The following ZNF624 variants were observed in gnomAD, a reference collection of about 807,000 sequenced individuals.
The protein encoded by ZNF624 is zinc finger protein 624.
ZNF624 carries 43 observed loss-of-function variants against 74.7 expected under a neutral mutation model. That is an observed-to-expected ratio of 0.58 (90% CI 0.45 to 0.74). The LOEUF (loss-of-function observed/expected upper bound fraction) is 0.74, where lower values mean the gene tolerates loss of function less well. ZNF624 is among the 30% of genes least tolerant of loss of function. The pLI is 0.00. For synonymous variants in ZNF624, 331 were observed against 341.3 expected, an observed-to-expected ratio of 0.97 and a Z score of 0.33; for missense variants, 820 against 1,030.0, an observed-to-expected ratio of 0.80 and a Z score of 2.79.
chr17:16,641,494 G>A (rs1909466365), intron 3 of ZNF624, among the ~76,000 whole-genome samples: 1 of 152,144 alleles, frequency 6.6e-6, no homozygotes, highest in Non-Finnish European at 1.5e-5. Context: ...ATGTTGGCCA[G>A]GCTAGTCTCG....
chr17:16,628,549 TGA>T (rs1304184896), intron 5 of ZNF624, among the ~76,000 whole-genome samples: 2 of 151,848 alleles, frequency 1.3e-5, no homozygotes, highest in Admixed American at 1.3e-4. Context: ...AGACAGCACA[TGA>T]GAGAGTTAGG....
At chr17:16,652,229 C>G (rs1909742979) in intron 1 of ZNF624, among the ~76,000 whole-genome samples, 2 of 152,090 alleles carry the variant, frequency 1.3e-5, no homozygotes, top group South Asian at 4.1e-4. Flanking sequence ...TTGCATATTA[C>G]TTCAGAGAGC....
downstream of ZNF624, among the ~76,000 whole-genome samples, chr17:16,619,813 G>C (rs901773127): frequency 6.6e-6 from 1 of 152,244 alleles, no homozygotes; most frequent in African/African-American, 2.4e-5. Flanking sequence ...GGCAGGAATG[G>C]GAGGGAGGGT....
At chr17:16,619,892 CTG>C (rs1555903814), downstream of ZNF624, among the ~76,000 whole-genome samples, 1 of 152,184 alleles carries the variant, frequency 6.6e-6, no homozygotes, top group Non-Finnish European at 1.5e-5. Flanking sequence ...GATGTCAACT[CTG>C]TGACAGCAGG....
chr17:16,645,028 T>C (rs1419571143), intron 3 of ZNF624, among the ~76,000 whole-genome samples: 1 of 152,228 alleles, frequency 6.6e-6, no homozygotes, highest in Non-Finnish European at 1.5e-5. Flanking sequence ...GGACTCCAGA[T>C]CCATTATGCA....
At position 16,624,053 on chromosome 17, in the gene ZNF624, C is replaced by T. The variant is rs1597490475; in HGVS notation, c.833G>A (p.Cys278Tyr). 1 of 1,614,048 alleles carries T rather than the reference C, an allele frequency of 6.2e-7. No individual in the cohort carries two copies. Among genetic ancestry groups the T allele is most frequent in the Non-Finnish European group, 8.5e-7 (1 of 1,180,010 alleles). ...KSNNKEKPYKCSTCEKAFHYR... is the reference protein window; with the variant it reads ...KSNNKEKPYKYSTCEKAFHYR... ...ATGAAAGGCCTTTTCGCATGTACTACATTTGTAGGGTTTTTCCTTATTATT... is the reference window on the plus strand; with the variant it reads ...ATGAAAGGCCTTTTCGCATGTACTATATTTGTAGGGTTTTTCCTTATTATT... Residue 278 changes from cysteine to tyrosine, a missense_variant, in exon 6 of 6, where the codon TGT becomes TAT. Transcript: ENST00000311331.
intron 5 of ZNF624, among the ~76,000 whole-genome samples, chr17:16,626,864 C>G (rs867767507): frequency 3.9e-5 from 6 of 151,958 alleles, no homozygotes; most frequent in Non-Finnish European, 8.8e-5. Context: ...CTAGACCAGC[C>G]TGGCCAACAT....
chr17:16,636,591 C>T (rs922035458), intron 3 of ZNF624, among the ~76,000 whole-genome samples: 4 of 152,166 alleles, frequency 2.6e-5, no homozygotes, highest in African/African-American at 9.7e-5. Context: ...AATCCCAGCA[C>T]TTTAGGAGGC....
rs1390860565 is a variant in ZNF624, at chr17:16,620,894, A to G, written c.*1394T>C. On this transcript the variant is annotated 3_prime_UTR_variant, in exon 6 of 6. Coordinates refer to ENST00000311331, the MANE Select transcript of ZNF624 (RefSeq NM_020787.4). Reference sequence around the variant, plus strand: ...GGAGACCATCCTTTCATCTCTCTCAAAAGTTCACATAATTACATAATATTA... The same window carrying G: ...GGAGACCATCCTTTCATCTCTCTCAGAAGTTCACATAATTACATAATATTA... 6.6e-6 allele frequency: 1 copy of G among 152,200 alleles called. No individual in the cohort carries two copies. Among genetic ancestry groups the G allele is most frequent in the Non-Finnish European group, 1.5e-5 (1 of 68,034 alleles). 9.4% of individuals were successfully genotyped at this position (152,200 alleles called of 1,614,324 possible). A position where few individuals can be genotyped will look rare whatever the true frequency, so the allele number is the denominator to read the frequency against.
chr17:16,634,525 C>A, intron 4 of ZNF624, 105 bp downstream of exon 4: 1 of 1,233,320 alleles, frequency 8.1e-7, no homozygotes. Context: ...CAACAATGTG[C>A]CCCTAAAATC....
intron 3 of ZNF624, among the ~76,000 whole-genome samples, chr17:16,640,480 T>C (rs941224548): frequency 6.6e-5 from 10 of 151,770 alleles, no homozygotes; most frequent in African/African-American, 1.9e-4. Flanking sequence ...AATTGGTTAT[T>C]TGGAAAGATA....
Position 16,623,822 on chromosome 17 carries a change from G to T in ZNF624, c.1064C>A (p.Thr355Asn). ...SSLMVHQRIH[T>N]KEKPYQCNVC... ...ATTACACTGATAAGGTTTCTCTTTA[G>T]TGTGAATTCTCTGATGTACCATAAG... is the stretch of plus-strand genomic sequence containing the variant. The change falls in exon 6 of 6, where the codon ACT becomes AAT. Residue 355 changes from threonine (T) to asparagine (N), a missense_variant. Transcript: ENST00000311331. The surrounding 1 kb of genome is among the most constrained non-coding windows in gnomAD (Gnocchi z 5.3). 1.2e-6 allele frequency: 2 copies of T among 1,613,984 alleles called. No homozygotes were observed.
At chr17:16,643,096 G>C (rs1442621789) in intron 3 of ZNF624, among the ~76,000 whole-genome samples, 1 of 152,204 alleles carries the variant, frequency 6.6e-6, no homozygotes, top group Non-Finnish European at 1.5e-5. Context: ...TGGGGCAGCT[G>C]CTTTGTAAAA....
At chr17:16,653,374 G>A (rs1909774043) in intron 1 of ZNF624, among the ~76,000 whole-genome samples, 1 of 152,270 alleles carries the variant, frequency 6.6e-6, no homozygotes. Context: ...CCCACTTCGG[G>A]TATGCCCTCC....
At chr17:16,617,407 A>T (rs1390507622), downstream of ZNF624, 102 of 1,613,174 alleles carry the variant, frequency 6.3e-5, no homozygotes, top group Non-Finnish European at 8.6e-5. Context: ...AGCACGCTTC[A>T]TGTCAGAGTA....
At chr17:16,635,400 T>C (rs1038656203) in intron 3 of ZNF624, among the ~76,000 whole-genome samples, 2 of 152,160 alleles carry the variant, frequency 1.3e-5, no homozygotes, top group Non-Finnish European at 2.9e-5. Flanking sequence ...CGGACTGGAA[T>C]GACAGCTAGA....
intron 1 of ZNF624, chr17:16,653,488 C>A (rs1336559639): frequency 6.6e-6 from 1 of 152,380 alleles, no homozygotes; most frequent in Non-Finnish European, 1.5e-5. Flanking sequence ...CTTTTTAACC[C>A]CAGCGCCGCC....
rs1166654420 is a variant in ZNF624, at chr17:16,653,825, A to AATGGCGGCGGCTCGGCG, written c.-81_-65dup. 1 of 152,802 alleles carries AATGGCGGCGGCTCGGCG rather than the reference A, an allele frequency of 6.5e-6. No homozygotes were observed. Among genetic ancestry groups the AATGGCGGCGGCTCGGCG allele is most frequent in the Non-Finnish European group, 1.5e-5 (1 of 68,144 alleles). The allele number at this position is 152,802 out of a possible 1,614,324, so 9.5% of individuals were successfully genotyped here. A position where few individuals can be genotyped will look rare whatever the true frequency, so the allele number is the denominator to read the frequency against. ...AGAGCAGGGCGGGAACGCTTCCAGC[A>AATGGCGGCGGCTCGGCG]ATGGCGGCGGCTCGGCGGTGCCGGC... On this transcript the variant is annotated 5_prime_UTR_variant, in exon 1 of 6. Coordinates refer to ENST00000311331, the MANE Select transcript of ZNF624 (RefSeq NM_020787.4).
At chr17:16,644,209 T>C (rs1909534230) in intron 3 of ZNF624, among the ~76,000 whole-genome samples, 1 of 152,142 alleles carries the variant, frequency 6.6e-6, no homozygotes, top group African/African-American at 2.4e-5. Context: ...AATAAACCCC[T>C]TTTCTTTATA....
Sources: allele counts gnomAD v4.1 joint callset (sites outside exome capture counted in the v4.1 genomes callset), GRCh38; gene constraint gnomAD v4.1.1; non-coding constraint Gnocchi (gnomAD v3.1); transcripts MANE v1.5; gene names NCBI Gene and HGNC (gene_info 2026-07-23, HGNC 2026-07-21).